Variants in ZHX2 observed in about 807,000 individuals in gnomAD.
ZHX2 encodes the protein zinc fingers and homeoboxes 2, also known as zinc fingers and homeoboxes protein 2.
A neutral mutation model predicts 21.9 loss-of-function variants in ZHX2; 6 were observed. The observed-to-expected ratio is 0.27, with a 90% CI of 0.15 to 0.54. The LOEUF is 0.54. Among genes scored for constraint, ZHX2 ranks in the 20% least tolerant of loss-of-function variants. ZHX2 has a pLI of 0.95. For synonymous variants in ZHX2, 434 were observed against 437.1 expected (o/e 0.99, Z 0.09); for missense variants, 908 against 1,090.7 (o/e 0.83, Z 2.36).
intron 1 of ZHX2, among the ~76,000 whole-genome samples, chr8:122,835,693 G>A (rs915737045): frequency 6.6e-6 from 1 of 152,204 alleles, no homozygotes; most frequent in Non-Finnish European, 1.5e-5. Flanking sequence ...GAAGAGAAAG[G>A]CGATCAGGGT....
At chr8:122,799,615 A>C (rs1817677933) in intron 1 of ZHX2, among the ~76,000 whole-genome samples, 1 of 152,208 alleles carries the variant, frequency 6.6e-6, no homozygotes, top group Admixed American at 6.5e-5. Context: ...GATTATCTCC[A>C]TGGCATAGAG....
chr8:122,971,748 G>T (rs1317298519), intron 3 of ZHX2, among the ~76,000 whole-genome samples: 1 of 152,040 alleles, frequency 6.6e-6, no homozygotes, highest in Non-Finnish European at 1.5e-5. Flanking sequence ...TGGAATACTG[G>T]CTGTGTCCTC....
At chr8:122,790,385 C>T (rs1452566171) in intron 1 of ZHX2, among the ~76,000 whole-genome samples, 1 of 152,164 alleles carries the variant, frequency 6.6e-6, no homozygotes, top group Non-Finnish European at 1.5e-5. Flanking sequence ...ACCTTCCCTC[C>T]CCGCTTTGAT....
At chr8:122,858,765 C>A (rs1263788904) in intron 1 of ZHX2, among the ~76,000 whole-genome samples, 1 of 151,948 alleles carries the variant, frequency 6.6e-6, no homozygotes, top group African/African-American at 2.4e-5. Flanking sequence ...CTCAGCCTCC[C>A]CAGTAGCTGG....
chr8:122,964,804 C>G (rs1213068572), intron 3 of ZHX2, among the ~76,000 whole-genome samples: 1 of 151,920 alleles, frequency 6.6e-6, no homozygotes, highest in African/African-American at 2.4e-5. Context: ...TTTTTTATTA[C>G]TCTTTCAGTC....
At chr8:122,944,579 C>T (rs1256385782) in intron 2 of ZHX2, among the ~76,000 whole-genome samples, 2 of 152,192 alleles carry the variant, frequency 1.3e-5, no homozygotes, top group Non-Finnish European at 2.9e-5. Context: ...CCGCTCTACA[C>T]TTTTAATGTG....
At chr8:122,820,144 A>G (rs1349579113) in intron 1 of ZHX2, among the ~76,000 whole-genome samples, 9 of 152,032 alleles carry the variant, frequency 5.9e-5, no homozygotes, top group Admixed American at 5.9e-4. Context: ...TCTTACTCAA[A>G]CCCAGGGGGA....
intron 1 of ZHX2, among the ~76,000 whole-genome samples, chr8:122,810,898 T>A (rs1168299549): frequency 6.6e-6 from 1 of 152,110 alleles, no homozygotes. Context: ...CCCACTAGAC[T>A]AGCATGTCAA....
chr8:122,951,826 C>A lies in ZHX2; in HGVS notation c.316C>A (p.Leu106Ile). ...HVDMQHPNVI[L>I]NPLYVCAECN... Reference sequence around the variant, plus strand: ...CGACATGCAGCATCCCAACGTGATTCTCAACCCCCTCTACGTGTGTGCAGA... The same window carrying A: ...CGACATGCAGCATCCCAACGTGATTATCAACCCCCTCTACGTGTGTGCAGA... Residue 106 changes from leucine (L) to isoleucine (I), a missense_variant, in exon 3 of 4, where the codon CTC (leucine) becomes ATC (isoleucine). Coordinates refer to ENST00000314393, the MANE Select transcript of ZHX2 (RefSeq NM_014943.5). 6.2e-7 allele frequency: 1 copy of A among 1,614,172 alleles called. No individual in the cohort carries two copies. The highest frequency in any genetic ancestry group is 8.5e-7 in the Non-Finnish European group (1 of 1,180,034).
chr8:122,811,213 C>T (rs1437524305), intron 1 of ZHX2, among the ~76,000 whole-genome samples: 3 of 151,904 alleles, frequency 2.0e-5, no homozygotes. Flanking sequence ...AACCCTATCA[C>T]TACAAAAAAA....
intron 1 of ZHX2, among the ~76,000 whole-genome samples, chr8:122,806,091 G>A (rs558663216): frequency 2.6e-5 from 4 of 152,196 alleles, no homozygotes; most frequent in East Asian, 1.9e-4. Flanking sequence ...TAATCATCAC[G>A]CACACACATG....
At chr8:122,799,811 G>T (rs1817681496) in intron 1 of ZHX2, among the ~76,000 whole-genome samples, 1 of 152,182 alleles carries the variant, frequency 6.6e-6, no homozygotes, top group South Asian at 2.1e-4. Context: ...CCTTTGCTTT[G>T]TAGGAGTAAT....
rs1477320977 is a variant in ZHX2, at chr8:122,828,282, C to T, written c.-282-35195C>T. ...TTAGGAGAGGAATGAAACAAAAATT[C>T]CTGTTTCTTCAGGAGCTGAAGATAG... On this transcript the variant is annotated intron_variant, in intron 1 of 3. Coordinates refer to ENST00000314393, the MANE Select transcript of ZHX2 (RefSeq NM_014943.5). The surrounding 1 kb of genome is among the most constrained non-coding windows in gnomAD (Gnocchi z 5.2). Among the ~76,000 whole-genome samples the T allele has an allele frequency of 6.6e-6, 1 of 152,120 alleles. No homozygotes were observed. Among genetic ancestry groups the T allele is most frequent in the Non-Finnish European group, 1.5e-5 (1 of 68,012 alleles).
Position 122,782,936 on chromosome 8 carries a change from C to G in ZHX2, c.-283+990C>G, listed in dbSNP as rs940189073. On this transcript the variant is annotated intron_variant, in intron 1 of 3. Transcript: ENST00000314393. The surrounding 1 kb of genome is among the most constrained non-coding windows in gnomAD (Gnocchi z 5.3). ...GTATCCTCGGCTTTGCAAACTTGCCCTTTTCCCAGCCGCTTTGCAGGAGGC... is the reference window on the plus strand; with the variant it reads ...GTATCCTCGGCTTTGCAAACTTGCCGTTTTCCCAGCCGCTTTGCAGGAGGC... 2.0e-5 allele frequency among the ~76,000 whole-genome samples: 3 copies of G among 152,224 alleles called. No individual in the cohort carries two copies. Among genetic ancestry groups the G allele is most frequent in the African/African-American group, 7.2e-5 (3 of 41,464 alleles).
intron 1 of ZHX2, among the ~76,000 whole-genome samples, chr8:122,827,216 C>T (rs1355815378): frequency 6.6e-6 from 1 of 151,960 alleles, no homozygotes; most frequent in Admixed American, 6.6e-5. Context: ...TGTTTTCTCC[C>T]CTGTAGAAAC....
At chr8:122,934,594 G>A (rs899187911) in intron 2 of ZHX2, among the ~76,000 whole-genome samples, 3 of 151,912 alleles carry the variant, frequency 2.0e-5, no homozygotes, top group Admixed American at 2.0e-4. Flanking sequence ...GCATTTGGGT[G>A]CAAAGTTCCT....
chr8:122,793,987 A>G (rs1817572042), intron 1 of ZHX2, among the ~76,000 whole-genome samples: 1 of 152,156 alleles, frequency 6.6e-6, no homozygotes, highest in Non-Finnish European at 1.5e-5. Context: ...GTCTTATGCT[A>G]TCCACCAGTC....
At chr8:122,822,374 C>G (rs1818171712) in intron 1 of ZHX2, among the ~76,000 whole-genome samples, 1 of 152,102 alleles carries the variant, frequency 6.6e-6, no homozygotes, top group Non-Finnish European at 1.5e-5. Context: ...CAACCCCCTT[C>G]CTTCAAAACT....
In ZHX2 at chr8:122,802,745, A is replaced by G. The variant is rs1208270260; in HGVS notation, c.-283+20799A>G. ...GGCAGGAGATGTGTTCTGGGTCCCA[A>G]CGCCTGGCTGGTAAAGTGAATGGGT... On this transcript the variant is annotated intron_variant, in intron 1 of 3. Transcript: ENST00000314393. Among the ~76,000 whole-genome samples the G allele has an allele frequency of 3.9e-5, 6 of 152,276 alleles. No homozygotes were observed. In the East Asian group the frequency reaches 9.7e-4, roughly 25 times the overall value.
Sources: gnomAD v4.1 joint callset for allele counts (sites outside exome capture counted in the v4.1 genomes callset) on GRCh38, gnomAD v4.1.1 for gene constraint, Gnocchi (gnomAD v3.1) non-coding constraint, MANE v1.5 for transcripts, NCBI Gene and HGNC (gene_info 2026-07-23, HGNC 2026-07-21) for gene names.